Variants in EVA1C observed in about 807,000 individuals in gnomAD.
EVA1C encodes eva-1 homolog C.
Under a neutral mutation model 45.4 loss-of-function variants are expected in EVA1C, and 25 were observed. The ratio of observed to expected loss-of-function variants is 0.55; its 90% confidence interval spans 0.40 to 0.77. The LOEUF (loss-of-function observed/expected upper bound fraction) is 0.77, where lower values mean the gene tolerates loss of function less well. Ranked by LOEUF, EVA1C falls within the 30% of genes least tolerant of loss-of-function variation. EVA1C has a pLI of 0.00. For synonymous variants in EVA1C, 190 were observed against 221.2 expected (o/e 0.86, Z 1.25); for missense variants, 479 against 554.8 (o/e 0.86, Z 1.37).
At chr21:32,509,415 A>C (rs1281600544) in intron 7 of EVA1C, among the ~76,000 whole-genome samples, 1 of 152,166 alleles carries the variant, frequency 6.6e-6, no homozygotes, top group Non-Finnish European at 1.5e-5. Flanking sequence ...TATGGGAGAG[A>C]AGCTCTCCTG....
chr21:32,451,423 A>C (rs2035576091), intron 1 of EVA1C, among the ~76,000 whole-genome samples: 1 of 152,090 alleles, frequency 6.6e-6, no homozygotes, highest in Non-Finnish European at 1.5e-5. Flanking sequence ...CCTTGCCGAG[A>C]AATAGTTTAG....
At chr21:32,493,218 T>G (rs2037225616) in intron 4 of EVA1C, among the ~76,000 whole-genome samples, 1 of 152,202 alleles carries the variant, frequency 6.6e-6, no homozygotes, top group South Asian at 2.1e-4. Flanking sequence ...TCTTTAAGCC[T>G]GTAACTCCCC....
At chr21:32,459,537 T>C (rs2035919151) in intron 3 of EVA1C, among the ~76,000 whole-genome samples, 1 of 152,132 alleles carries the variant, frequency 6.6e-6, no homozygotes, top group Admixed American at 6.6e-5. Context: ...GTGTAAAATA[T>C]TGCCCTTTAA....
chr21:32,467,253 G>C (rs981923554), intron 3 of EVA1C, among the ~76,000 whole-genome samples: 5 of 152,188 alleles, frequency 3.3e-5, no homozygotes, highest in Non-Finnish European at 5.9e-5. Context: ...TCTCCAGAGA[G>C]AGAAAGAAGC....
chr21:32,412,979 C>A lies in EVA1C; in HGVS notation c.126C>A (p.Cys42Ter). 6.7e-7 allele frequency: 1 copy of A among 1,494,668 alleles called. No homozygotes were observed. The highest frequency in any genetic ancestry group is 8.9e-7 in the Non-Finnish European group (1 of 1,117,906). 92.6% of individuals were successfully genotyped at this position (1,494,668 alleles called of 1,614,324 possible). ...LRLFYCTVLV[C>*]SKEISALTDF... is the part of the protein sequence containing the mutation. ...TCTTCTACTGCACTGTCCTGGTCTG[C>A]TCCAAAGAGATCTCAGCGCTCACCG... Residue 42 changes from cysteine to a stop codon, truncating the protein, a stop_gained, in exon 1 of 8, where the codon TGC (cysteine) becomes TGA (stop). Coordinates refer to ENST00000300255, the MANE Select transcript of EVA1C (RefSeq NM_058187.5). LOFTEE classifies it high-confidence loss of function.
intron 1 of EVA1C, among the ~76,000 whole-genome samples, chr21:32,421,621 G>A (rs562562848): frequency 2.6e-5 from 4 of 152,268 alleles, no homozygotes; most frequent in South Asian, 2.1e-4. Context: ...GCCTTCATGG[G>A]AATATCATCA....
intron 1 of EVA1C, chr21:32,453,077 AC>A: frequency 2.2e-6 from 1 of 464,538 alleles, no homozygotes. Context: ...ACCCTTCTCT[AC>A]CCAGCACTCC....
At chr21:32,453,594 A>G in intron 2 of EVA1C, 86 bp downstream of exon 2, 2 of 1,033,694 alleles carry the variant, frequency 1.9e-6, no homozygotes, top group Non-Finnish European at 2.8e-6. Context: ...ATTTGTGATT[A>G]TATAGTTCAA....
chr21:32,469,454 T>C (rs62216211), intron 4 of EVA1C, among the ~76,000 whole-genome samples: 24,746 of 152,130 alleles, frequency 0.16, 2,264 homozygotes, highest in Admixed American at 0.23. Flanking sequence ...TAGCTGGGTA[T>C]TCAGTGCTAA....
intron 1 of EVA1C, 75 bp downstream of exon 1, chr21:32,413,088 G>A: frequency 3.3e-6 from 4 of 1,209,438 alleles, no homozygotes; most frequent in Non-Finnish European, 4.3e-6. Context: ...GGGGGCAGCC[G>A]CACCAGTGGA....
intron 4 of EVA1C, among the ~76,000 whole-genome samples, chr21:32,470,400 G>T (rs1417597479): frequency 6.6e-6 from 1 of 152,206 alleles, no homozygotes; most frequent in Non-Finnish European, 1.5e-5. Flanking sequence ...AGGCTGGTGT[G>T]GGCATACACT....
chr21:32,429,268 T>A (rs2034607365), intron 1 of EVA1C, among the ~76,000 whole-genome samples: 1 of 152,132 alleles, frequency 6.6e-6, no homozygotes, highest in Non-Finnish European at 1.5e-5. Context: ...CTTGAACTCC[T>A]GACCTCAGGT....
chr21:32,484,929 C>G (rs2036920313), intron 4 of EVA1C, among the ~76,000 whole-genome samples: 1 of 152,158 alleles, frequency 6.6e-6, no homozygotes, highest in Non-Finnish European at 1.5e-5. Flanking sequence ...ACCACAGAAA[C>G]TTCCTTGTTT....
chr21:32,436,367 A>G (rs925706361), intron 1 of EVA1C, among the ~76,000 whole-genome samples: 5 of 128,320 alleles, frequency 3.9e-5, no homozygotes, highest in Admixed American at 7.8e-5. Context: ...TGGCCATTCA[A>G]TTGTTTTTGT....
chr21:32,459,130 ACAT>A (rs1396802940), intron 3 of EVA1C, among the ~76,000 whole-genome samples: 1 of 152,102 alleles, frequency 6.6e-6, no homozygotes, highest in African/African-American at 2.4e-5. Context: ...CTCATAATAG[ACAT>A]CATCACACAC....
At chr21:32,509,907 C>T (rs764536935) in intron 7 of EVA1C, among the ~76,000 whole-genome samples, 7 of 150,842 alleles carry the variant, frequency 4.6e-5, no homozygotes, top group African/African-American at 1.5e-4. Context: ...CAGGCTAGAG[C>T]GGGGAGCAGA....
intron 4 of EVA1C, among the ~76,000 whole-genome samples, chr21:32,479,857 T>TTC (rs1555870018): frequency 1.3e-5 from 2 of 151,858 alleles, no homozygotes; most frequent in South Asian, 2.1e-4. Flanking sequence ...CTTTTTTTTT[T>TTC]TTCTTCTTCT....
chr21:32,450,079 T>G (rs1270537267), intron 1 of EVA1C, among the ~76,000 whole-genome samples: 2 of 152,208 alleles, frequency 1.3e-5, no homozygotes, highest in Non-Finnish European at 2.9e-5. Flanking sequence ...ACTGAGCTTC[T>G]GCCCCCAGAA....
intron 1 of EVA1C, among the ~76,000 whole-genome samples, chr21:32,420,802 G>A (rs1381835918): frequency 6.6e-6 from 1 of 152,242 alleles, no homozygotes. Context: ...GGAGATGCTA[G>A]TATAAAAAGT....
Sources: gnomAD v4.1 joint callset for allele counts (sites outside exome capture counted in the v4.1 genomes callset) on GRCh38, gnomAD v4.1.1 for gene constraint, MANE v1.5 for transcripts, NCBI Gene and HGNC (gene_info 2026-07-23, HGNC 2026-07-21) for gene names.